MTMR3: variants seen among roughly 807,000 people sequenced by gnomAD.
MTMR3 encodes myotubularin related protein 3.
MTMR3 carries 32 observed loss-of-function variants against 132.4 expected under a neutral mutation model. The ratio of observed to expected loss-of-function variants is 0.24; its 90% CI spans 0.18 to 0.32. MTMR3 has a LOEUF of 0.32. Ranked by LOEUF, MTMR3 falls within the 10% of genes least tolerant of loss-of-function variation. MTMR3 has a pLI of 1.00. For missense variants in MTMR3, 1,216 were observed against 1,489.6 expected, an observed-to-expected ratio of 0.82 and a Z score of 3.02; for synonymous variants, 556 against 550.3, an observed-to-expected ratio of 1.01 and a Z score of -0.14.
intron 2 of MTMR3, among the ~76,000 whole-genome samples, chr22:29,965,213 G>T (rs2066391180): frequency 6.6e-6 from 1 of 151,746 alleles, no homozygotes; most frequent in South Asian, 2.1e-4. Context: ...AGAGCTAACA[G>T]TGTCATACTG....
intron 1 of MTMR3, among the ~76,000 whole-genome samples, chr22:29,904,978 A>G (rs1304246338): frequency 6.6e-6 from 1 of 152,114 alleles, no homozygotes; most frequent in African/African-American, 2.4e-5. Flanking sequence ...GGCATATGGA[A>G]ATTTACATTT....
At chr22:29,988,602 A>G (rs1326122452) in intron 6 of MTMR3, 40 bp downstream of exon 6, 1 of 1,476,430 alleles carries the variant, frequency 6.8e-7, no homozygotes, top group Non-Finnish European at 9.3e-7. Flanking sequence ...TTTAGTGTGG[A>G]AAATATTTTT....
Position 29,889,907 on chromosome 22 carries a change from CT to C in MTMR3, c.-138+6565del, listed in dbSNP as rs11399020. 4.8e-3 allele frequency among the ~76,000 whole-genome samples: 603 copies of C among 124,880 alleles called. 3 individuals are homozygous for C. Among genetic ancestry groups the C allele is most frequent in the African/African-American group, 0.017 (548 of 32,606 alleles). The allele number at this position is 124,880 out of a possible 152,430, so 81.9% of individuals were successfully genotyped here. ...TTTTATTATTTCCTTAGGATAAATT[CT>C]TTTTTTTTTTTTTTTTGAGACAGAG... On this transcript the variant is annotated intron_variant, in intron 1 of 19. Coordinates refer to ENST00000401950, the MANE Select transcript of MTMR3 (RefSeq NM_021090.4).
In MTMR3 at chr22:29,991,618, C is replaced by T. The variant is rs759085876; in HGVS notation, c.408C>T (p.Cys136=). 3 of 1,613,844 alleles carry T rather than the reference C, an allele frequency of 1.9e-6. No homozygotes were observed. The highest frequency in any genetic ancestry group is 2.5e-6 in the Non-Finnish European group (3 of 1,179,924). ...TCTCATTTGCATACCATGCTTGGTG[C>T]ATGGAGGTCTATGCCAGTGAAAAAG... ...DLFSFAYHAW[C]MEVYASEKEQ... Residue 136 remains cysteine (C), a synonymous_variant, in exon 7 of 20, where the codon TGC becomes TGT. Transcript: ENST00000401950.
intron 1 of MTMR3, among the ~76,000 whole-genome samples, chr22:29,951,208 C>G (rs1043667659): frequency 6.6e-6 from 1 of 152,064 alleles, no homozygotes. Context: ...AGGAGCAAAT[C>G]AGAACATATA....
In MTMR3 at chr22:29,957,020, G is replaced by C. The variant is rs1162385728; in HGVS notation, c.-137-16G>C. The C allele has an allele frequency of 6.6e-6, 1 of 152,184 alleles. No individual in the cohort carries two copies. Among genetic ancestry groups the C allele is most frequent in the East Asian group, 1.9e-4 (1 of 5,332 alleles). The allele number at this position is 152,184 out of a possible 1,614,324, so 9.4% of individuals were successfully genotyped here. The stretch of plus-strand genomic sequence containing the variant: ...GGATATTTGTCATTATAAAATAACT[G>C]TTTTTTCTTTTGCAGACTTCCTTGT... On this transcript the variant is annotated splice_polypyrimidine_tract_variant and intron_variant, in intron 1 of 19. Coordinates refer to ENST00000401950, the MANE Select transcript of MTMR3 (RefSeq NM_021090.4).
At chr22:29,981,927 AG>A (rs2066753398) in intron 5 of MTMR3, 1 of 151,564 alleles carries the variant, frequency 6.6e-6, no homozygotes, top group Non-Finnish European at 1.5e-5. Flanking sequence ...TTTCAGATTG[AG>A]GCCGGGCGCG....
At chr22:29,889,217 G>A (rs2064741850) in intron 1 of MTMR3, among the ~76,000 whole-genome samples, 1 of 151,192 alleles carries the variant, frequency 6.6e-6, no homozygotes. Context: ...ACTATAATTT[G>A]GAGTTTTAAC....
rs779426967 is a variant in MTMR3, at chr22:29,988,528, C to G, written c.259C>G (p.Leu87Val). ...TGTTGAATGCCGAGATATATTTCAGCTTCATTTGACTTGCAAAGACTGCAA... is the reference window on the plus strand; with the variant it reads ...TGTTGAATGCCGAGATATATTTCAGGTTCATTTGACTTGCAAAGACTGCAA... ...ESVECRDIFQ[L>V]HLTCKDCKVI... Residue 87 changes from leucine to valine, a missense_variant, in exon 6 of 20, where the codon CTT (leucine) becomes GTT (valine). By Grantham distance (32) the Leu-to-Val change is conservative. Around this residue, in one of 7 missense-constraint regions of MTMR3, gnomAD observed 129 missense variants for 245.7 expected, o/e 0.53. Transcript: ENST00000401950. The G allele has an allele frequency of 1.2e-6, 2 of 1,612,712 alleles. No individual in the cohort carries two copies. The highest frequency in any genetic ancestry group is 4.5e-5 in the East Asian group (2 of 44,792).
chr22:30,008,352 G>A (rs768872642), intron 11 of MTMR3: 10 of 233,736 alleles, frequency 4.3e-5, no homozygotes, highest in African/African-American at 9.1e-5. Context: ...TTTCTCAGCC[G>A]TCTAAAAGCT....
intron 1 of MTMR3, among the ~76,000 whole-genome samples, chr22:29,952,779 C>G (rs1373917458): frequency 6.6e-6 from 1 of 152,172 alleles, no homozygotes; most frequent in African/African-American, 2.4e-5. Flanking sequence ...AAAATTTGAG[C>G]AGGGAGTAAG....
intron 1 of MTMR3, among the ~76,000 whole-genome samples, chr22:29,952,993 T>C (rs2066113639): frequency 6.6e-6 from 1 of 152,142 alleles, no homozygotes; most frequent in African/African-American, 2.4e-5. Flanking sequence ...CTTCTTAAAA[T>C]TTTGCACCTC....
At chr22:29,936,420 C>T (rs2065751564) in intron 1 of MTMR3, among the ~76,000 whole-genome samples, 1 of 152,088 alleles carries the variant, frequency 6.6e-6, no homozygotes, top group Non-Finnish European at 1.5e-5. Flanking sequence ...ACTTACAGCT[C>T]AGTAATGCAG....
chr22:29,898,414 G>A (rs572898709), intron 1 of MTMR3, among the ~76,000 whole-genome samples: 1 of 152,254 alleles, frequency 6.6e-6, no homozygotes, highest in South Asian at 2.1e-4. Context: ...ATAGTTATAA[G>A]TTTTTTGAGA....
rs766875334 is a variant in MTMR3, at chr22:30,019,986, TCAGTTCTCTCCA to T, written c.2328_2339del (p.Ser777_Gln780del). ...CAGCAGAGTGGGCTCAGTGTTCTCC[TCAGTTCTCTCCA>T]GGTCCCCCCCAGGGGAGAGGATTCC... is the stretch of plus-strand genomic sequence containing the variant. On this transcript the variant is annotated inframe_deletion, in exon 17 of 20. Coordinates refer to ENST00000401950, the MANE Select transcript of MTMR3 (RefSeq NM_021090.4). 4.5e-5 allele frequency: 73 copies of T among 1,614,136 alleles called. No individual in the cohort carries two copies. The highest frequency in any genetic ancestry group is 3.4e-6 in the Non-Finnish European group (4 of 1,180,010).
chr22:30,002,615 A>C (rs112587053), intron 8 of MTMR3: 48 of 290,234 alleles, frequency 1.7e-4, no homozygotes, highest in African/African-American at 9.5e-4. Flanking sequence ...AGGTAGCATC[A>C]AGTGGAACAA....
At position 30,030,647 on chromosome 22, in the gene MTMR3, G is replaced by GGTGGT. The variant is rs1555928371; in HGVS notation, c.*4848_*4849insGGTGT. The GGTGGT allele has an allele frequency of 2.6e-5, 2 of 76,356 alleles. No homozygotes were observed. Among genetic ancestry groups the GGTGGT allele is most frequent in the African/African-American group, 4.9e-5 (1 of 20,264 alleles). 4.7% of individuals were successfully genotyped at this position (76,356 alleles called of 1,614,324 possible). ...CTCAGCGAGGAGGGGGCGGGGGGGG[G>GGTGGT]GTCACTATTTATCTTCCAGAGGCAG... On this transcript the variant is annotated 3_prime_UTR_variant, in exon 20 of 20. Transcript: ENST00000401950.
chr22:29,959,223 T>C (rs1256684399), intron 2 of MTMR3, among the ~76,000 whole-genome samples: 2 of 152,092 alleles, frequency 1.3e-5, no homozygotes, highest in African/African-American at 2.4e-5. Context: ...GAGAGAAGCA[T>C]GCAGGTTCCA....
rs543300652 is a variant in MTMR3 at position 30,019,342 on chromosome 22, C to T, written c.1821-138C>T. 1.7e-3 allele frequency: 1,336 copies of T among 792,698 alleles called. 33 individuals are homozygous for T. In the South Asian group the frequency reaches 0.024, roughly 14 times the overall value. The allele number at this position is 792,698 out of a possible 1,614,324, so 49.1% of individuals were successfully genotyped here. A position where few individuals can be genotyped will look rare whatever the true frequency, so the allele number is the denominator to read the frequency against. ...TTTGCTGCTCCAGCAGTCTGGGCCT[C>T]GCTCCAGAGATGCTACAGCTCCATG... On this transcript the variant is annotated intron_variant, in intron 16 of 19. Transcript: ENST00000401950.
Sources: allele counts gnomAD v4.1 joint callset (sites outside exome capture counted in the v4.1 genomes callset), GRCh38; gene constraint gnomAD v4.1.1; regional missense constraint gnomAD v4.1.1; transcripts MANE v1.5; gene names NCBI Gene and HGNC (gene_info 2026-07-23, HGNC 2026-07-21).